RAP1GDS1: variants seen among roughly 807,000 people sequenced by gnomAD.
The protein encoded by RAP1GDS1 is RAP1, GTP-GDP dissociation stimulator 1.
RAP1GDS1 carries 35 observed loss-of-function variants against 71.1 expected under a neutral mutation model. The observed-to-expected ratio is 0.49, with a 90% CI of 0.38 to 0.65. RAP1GDS1 has a LOEUF of 0.65. Ranked by LOEUF, RAP1GDS1 falls within the 30% of genes least tolerant of loss-of-function variation. The pLI is 0.00. For synonymous variants in RAP1GDS1, 229 were observed against 243.1 expected (o/e 0.94, Z 0.54); for missense variants, 663 against 706.1 (o/e 0.94, Z 0.69).
intron 1 of RAP1GDS1, among the ~76,000 whole-genome samples, chr4:98,289,720 T>C (rs73834407): frequency 2.9e-4 from 44 of 152,234 alleles, no homozygotes; most frequent in African/African-American, 1.0e-3. Context: ...CTTCATTCTG[T>C]CAGATACTAA....
intron 4 of RAP1GDS1, among the ~76,000 whole-genome samples, chr4:98,355,214 CCTT>C (rs1245579993): frequency 4.6e-5 from 7 of 152,062 alleles, no homozygotes; most frequent in Non-Finnish European, 7.4e-5. Flanking sequence ...AATTCATCAA[CCTT>C]CTTCACTCTC....
intron 4 of RAP1GDS1, among the ~76,000 whole-genome samples, chr4:98,371,234 T>TC (rs1443539703): frequency 6.6e-6 from 1 of 151,482 alleles, no homozygotes; most frequent in Non-Finnish European, 1.5e-5. Context: ...TGCCTCAGCC[T>TC]CCTGAGTAGC....
intron 12 of RAP1GDS1, among the ~76,000 whole-genome samples, chr4:98,428,115 A>G (rs1298927319): frequency 6.6e-6 from 1 of 152,136 alleles, no homozygotes. Flanking sequence ...AAAGGGCACC[A>G]TATTCAACAA....
At chr4:98,422,860 A>G (rs1219941005) in intron 12 of RAP1GDS1, among the ~76,000 whole-genome samples, 4 of 152,144 alleles carry the variant, frequency 2.6e-5, no homozygotes, top group African/African-American at 9.7e-5. Context: ...CCACCCTAAA[A>G]GCTCATACAT....
chr4:98,418,094 A>G (rs1428276405), intron 9 of RAP1GDS1, among the ~76,000 whole-genome samples: 1 of 152,124 alleles, frequency 6.6e-6, no homozygotes, highest in Non-Finnish European at 1.5e-5. Context: ...CTTCCAGTAC[A>G]AACTGTTGGT....
intron 4 of RAP1GDS1, among the ~76,000 whole-genome samples, chr4:98,373,513 G>C (rs911422628): frequency 1.3e-5 from 2 of 151,606 alleles, no homozygotes; most frequent in Non-Finnish European, 2.9e-5. Context: ...TAGATTTGTA[G>C]CATGATGGCT....
intron 4 of RAP1GDS1, among the ~76,000 whole-genome samples, chr4:98,362,126 A>G (rs1220227070): frequency 6.6e-6 from 1 of 152,218 alleles, no homozygotes; most frequent in Non-Finnish European, 1.5e-5. Flanking sequence ...AAATGTAAGC[A>G]TTAGAATTTA....
At position 98,269,361 on chromosome 4, in the gene RAP1GDS1, A is replaced by G. The variant is rs77169060; in HGVS notation, c.4+7792A>G. Among the ~76,000 whole-genome samples, 579 of 152,240 alleles carry G rather than the reference A, an allele frequency of 3.8e-3. 6 individuals carry two copies. Among genetic ancestry groups the G allele is most frequent in the African/African-American group, 0.013 (553 of 41,574 alleles). ...AACAAAAGATTTGAATTTGAAAAGC[A>G]TAAGATGCGCGCAAGAAAATACTGG... On this transcript the variant is annotated intron_variant, in intron 1 of 14. Coordinates refer to ENST00000408927, the MANE Select transcript of RAP1GDS1 (RefSeq NM_001100427.2).
intron 14 of RAP1GDS1, among the ~76,000 whole-genome samples, chr4:98,440,862 C>T (rs1243811375): frequency 6.6e-6 from 1 of 152,098 alleles, no homozygotes; most frequent in Non-Finnish European, 1.5e-5. Flanking sequence ...GGATTATAGG[C>T]ATGCACCACC....
At chr4:98,263,795 A>C (rs1241128120) in intron 1 of RAP1GDS1, among the ~76,000 whole-genome samples, 1 of 152,216 alleles carries the variant, frequency 6.6e-6, no homozygotes, top group Non-Finnish European at 1.5e-5. Flanking sequence ...GGGTTGGTAC[A>C]TATTATCTAG....
chr4:98,419,989 AT>A, intron 10 of RAP1GDS1, 29 bp from the exon 11 acceptor site: 1 of 1,560,718 alleles, frequency 6.4e-7, no homozygotes. Context: ...TGCTAATACC[AT>A]TTTAACCATA....
intron 12 of RAP1GDS1, among the ~76,000 whole-genome samples, chr4:98,426,733 T>C (rs1211111011): frequency 6.6e-6 from 1 of 151,694 alleles, no homozygotes; most frequent in African/African-American, 2.4e-5. Context: ...ATTTAAAAAT[T>C]ACCAACAAAA....
intron 1 of RAP1GDS1, among the ~76,000 whole-genome samples, chr4:98,282,278 A>G (rs1725229589): frequency 6.6e-6 from 1 of 152,122 alleles, no homozygotes; most frequent in African/African-American, 2.4e-5. Context: ...TTATTGCCTC[A>G]ATTTCAGAAC....
chr4:98,428,597 C>T (rs543328438), intron 12 of RAP1GDS1, among the ~76,000 whole-genome samples: 1 of 152,262 alleles, frequency 6.6e-6, no homozygotes, highest in East Asian at 1.9e-4. Context: ...AAAAAATGCT[C>T]AGCATCACTA....
intron 7 of RAP1GDS1, among the ~76,000 whole-genome samples, chr4:98,409,082 T>C (rs535837216): frequency 6.6e-6 from 1 of 152,270 alleles, no homozygotes; most frequent in Non-Finnish European, 1.5e-5. Context: ...CTCTCATTCA[T>C]TTATGATGTG....
At chr4:98,300,755 C>CA (rs371257903) in intron 2 of RAP1GDS1, among the ~76,000 whole-genome samples, 15 of 151,748 alleles carry the variant, frequency 9.9e-5, no homozygotes, top group South Asian at 2.1e-4. Flanking sequence ...AACAAACAAA[C>CA]AAAAAAAACT....
At chr4:98,357,779 C>T (rs1738167176) in intron 4 of RAP1GDS1, among the ~76,000 whole-genome samples, 1 of 151,404 alleles carries the variant, frequency 6.6e-6, no homozygotes, top group South Asian at 2.1e-4. Flanking sequence ...TAATATAACC[C>T]CTAGAAAGTT....
chr4:98,355,682 T>C (rs930848959), intron 4 of RAP1GDS1, among the ~76,000 whole-genome samples: 3 of 152,148 alleles, frequency 2.0e-5, no homozygotes, highest in African/African-American at 7.2e-5. Flanking sequence ...GCTCCAACTG[T>C]AGAAAGAATT....
intron 7 of RAP1GDS1, chr4:98,409,723 C>T (rs1016225920): frequency 1.9e-5 from 9 of 470,418 alleles, no homozygotes; most frequent in Non-Finnish European, 3.9e-5. Flanking sequence ...CGGAAGGGGC[C>T]TGAGCTGCTG....
Sources: gnomAD v4.1 joint callset for allele counts (sites outside exome capture counted in the v4.1 genomes callset) on GRCh38, gnomAD v4.1.1 for gene constraint, MANE v1.5 for transcripts, NCBI Gene and HGNC (gene_info 2026-07-23, HGNC 2026-07-21) for gene names.